The following SORL1 variants were observed in gnomAD, a reference collection of about 807,000 sequenced individuals.
SORL1 encodes sortilin-related receptor.
SORL1 carries 127 observed loss-of-function variants against 273.7 expected under a neutral mutation model. The observed-to-expected ratio is 0.46, with a 90% CI of 0.40 to 0.54. The LOEUF (loss-of-function observed/expected upper bound fraction) is 0.54, where lower values mean the gene tolerates loss of function less well. SORL1 is among the 20% of genes least tolerant of loss of function. The pLI, the probability that SORL1 is intolerant of heterozygous loss-of-function variation, is 0.00. For synonymous variants in SORL1, 1,031 were observed against 1,067.4 expected, an observed-to-expected ratio of 0.97 and a Z score of 0.66; for missense variants, 2,494 against 2,846.1, an observed-to-expected ratio of 0.88 and a Z score of 2.81.
intron 38 of SORL1, chr11:121,609,818 G>A (rs1403642820): frequency 6.6e-6 from 1 of 152,186 alleles, no homozygotes; most frequent in Non-Finnish European, 1.5e-5. Context: ...CCATGCTATT[G>A]TTGCTCGTGA....
chr11:121,518,142 G>A (rs1273057382), intron 8 of SORL1, among the ~76,000 whole-genome samples: 1 of 152,220 alleles, frequency 6.6e-6, no homozygotes, highest in East Asian at 1.9e-4. Flanking sequence ...GTCACCTTAG[G>A]GAGGGGCATG....
Position 121,619,626 on chromosome 11 carries a change from A to T in SORL1, c.5725-127A>T, listed in dbSNP as rs539497297. On this transcript the variant is annotated intron_variant, in intron 42 of 47. Transcript: ENST00000260197. ...TTTGGGGTAGGTGGGAAATTATTTT[A>T]TATTTTATGGTTTTTTGTACTAACT... is the stretch of plus-strand genomic sequence containing the variant. 6 of 798,594 alleles carry T rather than the reference A, an allele frequency of 7.5e-6. No individual in the cohort carries two copies. In the African/African-American group the frequency reaches 8.7e-5, roughly 12 times the overall value. The allele number at this position is 798,594 out of a possible 1,614,324, so 49.5% of individuals were successfully genotyped here.
chr11:121,615,014 C>G lies in SORL1; in HGVS notation c.5563C>G (p.Gln1855Glu), dbSNP rs957355431. Residue 1855 changes from glutamine to glutamate, a missense_variant, in exon 41 of 48, where the codon CAG becomes GAG. Gln to Glu is a conservative substitution (Grantham distance 29). Transcript: ENST00000260197. ...TAGCCTCAAGGCCAAAGCCATCAAC[C>G]AGACTGCAGTGGAATGTACCTGGAC... ...APSLKAKAIN[Q>E]TAVECTWTGP... 6.2e-7 allele frequency: 1 copy of G among 1,612,304 alleles called. No homozygotes were observed. The highest frequency in any genetic ancestry group is 8.5e-7 in the Non-Finnish European group (1 of 1,179,430).
chr11:121,603,053 C>T (rs566823487), intron 32 of SORL1, among the ~76,000 whole-genome samples: 49 of 152,356 alleles, frequency 3.2e-4, no homozygotes, highest in African/African-American at 1.1e-3. Flanking sequence ...AGAAAAGGGT[C>T]TCTGCTTTTA....
chr11:121,452,361 G>A lies in SORL1; in HGVS notation c.30G>A (p.Ser10=). MATRSSRRE[S]RLPFLFTLVA... is the part of the protein sequence containing the mutation. ...CGACACGGAGCAGCAGGAGGGAGTC[G>A]CGACTCCCGTTCCTATTCACCCTGG... Residue 10 remains serine (S), a synonymous_variant, in exon 1 of 48, where the codon TCG becomes TCA. Transcript: ENST00000260197. The surrounding 1 kb of genome is among the most constrained non-coding windows in gnomAD (Gnocchi z 5.3). 6.4e-7 allele frequency: 1 copy of A among 1,553,378 alleles called. No homozygotes were observed. The highest frequency in any genetic ancestry group is 8.7e-7 in the Non-Finnish European group (1 of 1,154,308).
At chr11:121,576,998 A>C (rs1862940607) in intron 24 of SORL1, 3 of 1,439,908 alleles carry the variant, frequency 2.1e-6, no homozygotes, top group African/African-American at 1.4e-5. Context: ...ATATATGTGG[A>C]GAGCACTGGG....
intron 7 of SORL1, among the ~76,000 whole-genome samples, chr11:121,513,407 A>G (rs953971311): frequency 3.3e-5 from 5 of 152,220 alleles, no homozygotes; most frequent in Non-Finnish European, 7.3e-5. Flanking sequence ...AAGTTTGTGC[A>G]TGATAGGATC....
intron 12 of SORL1, among the ~76,000 whole-genome samples, chr11:121,538,149 C>A (rs1473364360): frequency 1.3e-5 from 2 of 149,916 alleles, no homozygotes; most frequent in East Asian, 2.0e-4. Context: ...ACAGTGTTTC[C>A]ATTTTTAACA....
intron 33 of SORL1, 96 bp downstream of exon 33, chr11:121,604,420 T>C (rs1348378582): frequency 7.0e-6 from 10 of 1,432,034 alleles, no homozygotes; most frequent in Non-Finnish European, 9.4e-6. Flanking sequence ...CTAGGACCCT[T>C]TTGAACTGTT....
At chr11:121,601,923 C>G (rs1226079550) in intron 32 of SORL1, among the ~76,000 whole-genome samples, 13 of 152,152 alleles carry the variant, frequency 8.5e-5, no homozygotes. Context: ...CCTGGCAATC[C>G]TATATAAAAT....
chr11:121,524,257 GGTTT>G (rs1353657443), intron 11 of SORL1, among the ~76,000 whole-genome samples: 1 of 152,228 alleles, frequency 6.6e-6, no homozygotes, highest in East Asian at 1.9e-4. Context: ...ATAGGCCTGT[GGTTT>G]GTTTGTGCCT....
intron 6 of SORL1, among the ~76,000 whole-genome samples, chr11:121,503,148 G>A (rs932693349): frequency 6.6e-6 from 1 of 152,162 alleles, no homozygotes; most frequent in African/African-American, 2.4e-5. Context: ...GGGATTGTAG[G>A]CACGAGCCAC....
At chr11:121,506,441 G>T (rs1861788594) in intron 6 of SORL1, among the ~76,000 whole-genome samples, 1 of 152,158 alleles carries the variant, frequency 6.6e-6, no homozygotes, top group African/African-American at 2.4e-5. Flanking sequence ...TTACATGGAT[G>T]GCAGCAGGCA....
chr11:121,620,953 T>C, intron 43 of SORL1, 111 bp from the exon 44 acceptor site: 1 of 755,274 alleles, frequency 1.3e-6, no homozygotes, highest in Non-Finnish European at 2.1e-6. Context: ...CTCAAACTCT[T>C]GTTGCTGTGG....
rs554803939 is a variant in SORL1 at position 121,518,880 on chromosome 11, C to T, written c.1212-1777C>T. Among the ~76,000 whole-genome samples, 21 of 151,746 alleles carry T rather than the reference C, an allele frequency of 1.4e-4. 1 individual carries two copies. In the East Asian group the frequency reaches 2.1e-3, roughly 15 times the overall value. On this transcript the variant is annotated intron_variant, in intron 8 of 47. Coordinates refer to ENST00000260197, the MANE Select transcript of SORL1 (RefSeq NM_003105.6). ...ATGGTTGATGGAGGACAGCGTTTCT[C>T]GGCTTTATTGTGTAGCCGGTGGCTT...
intron 12 of SORL1, among the ~76,000 whole-genome samples, chr11:121,543,218 A>T (rs1328728659): frequency 1.3e-5 from 2 of 151,676 alleles, no homozygotes; most frequent in Non-Finnish European, 2.9e-5. Flanking sequence ...AAAAGAAAAA[A>T]ATTTCTCTTT....
chr11:121,568,358 A>G (rs988964927), intron 22 of SORL1, among the ~76,000 whole-genome samples: 1 of 152,254 alleles, frequency 6.6e-6, no homozygotes, highest in African/African-American at 2.4e-5. Flanking sequence ...ATACAATCTT[A>G]AAACTGTTTG....
rs766896751 is a variant in SORL1 at position 121,574,231 on chromosome 11, C to T, written c.3338-10C>T. ...CCTAAGGAATATGTTGTCTTTCTAT[C>T]CCATTTTAGCTACCACCATCTGTGA... On this transcript the variant is annotated splice_polypyrimidine_tract_variant and intron_variant, in intron 23 of 47. Coordinates refer to ENST00000260197, the MANE Select transcript of SORL1 (RefSeq NM_003105.6). The T allele has an allele frequency of 6.2e-7, 1 of 1,613,312 alleles. No individual in the cohort carries two copies. Among genetic ancestry groups the T allele is most frequent in the Non-Finnish European group, 8.5e-7 (1 of 1,179,374 alleles).
intron 1 of SORL1, among the ~76,000 whole-genome samples, chr11:121,468,620 C>T (rs921624025): frequency 2.0e-5 from 3 of 152,098 alleles, no homozygotes; most frequent in Non-Finnish European, 2.9e-5. Flanking sequence ...GGGGTTTCAC[C>T]GTATTGGCCA....
Sources: gnomAD v4.1 joint callset for allele counts (sites outside exome capture counted in the v4.1 genomes callset) on GRCh38, gnomAD v4.1.1 for gene constraint, Gnocchi (gnomAD v3.1) non-coding constraint, MANE v1.5 for transcripts, NCBI Gene and HGNC (gene_info 2026-07-23, HGNC 2026-07-21) for gene names.